Variants in EMC3 observed in about 807,000 individuals in gnomAD.
The protein encoded by EMC3 is ER membrane protein complex subunit 3.
Under a neutral mutation model 36.6 loss-of-function variants are expected in EMC3, and 13 were observed. The observed-to-expected ratio is 0.35, with a 90% CI of 0.23 to 0.56. EMC3 has a LOEUF of 0.56. EMC3 is among the 20% of genes least tolerant of loss of function. EMC3 has a pLI of 0.84. For synonymous variants in EMC3, 120 were observed against 111.9 expected, an observed-to-expected ratio of 1.07 and a Z score of -0.46; for missense variants, 220 against 324.5, an observed-to-expected ratio of 0.68 and a Z score of 2.47.
intron 5 of EMC3, among the ~76,000 whole-genome samples, chr3:9,971,447 C>T (rs2124903265): frequency 6.6e-6 from 1 of 152,212 alleles, no homozygotes; most frequent in Middle Eastern, 3.4e-3. Flanking sequence ...ACACTCATTC[C>T]AACAAGTGGG....
chr3:10,006,268 G>C (rs1003276071), intron 1 of EMC3: 1 of 152,240 alleles, frequency 6.6e-6, no homozygotes, highest in African/African-American at 2.4e-5. Context: ...TGGGGCTGCC[G>C]CAGGGTTGCC....
chr3:10,009,412 G>T (rs2086300326), intron 1 of EMC3, among the ~76,000 whole-genome samples: 1 of 152,236 alleles, frequency 6.6e-6, no homozygotes, highest in African/African-American at 2.4e-5. Context: ...GGGGTATGAG[G>T]CGGGAGGAAA....
intron 1 of EMC3, chr3:9,981,631 T>C (rs766515917): frequency 1.6e-5 from 5 of 317,626 alleles, no homozygotes; most frequent in South Asian, 1.2e-4. Context: ...GACAGGGTCT[T>C]ACCATGCTGC....
rs371407143 is a variant in EMC3 at position 10,002,805 on chromosome 3, G to GC, written c.-242+8217_-242+8218insG. 1.2e-3 allele frequency: 550 copies of GC among 456,046 alleles called. 3 individuals carry two copies. The highest frequency in any genetic ancestry group is 9.9e-3 in the African/African-American group (494 of 49,996). The allele number at this position is 456,046 out of a possible 1,614,324, so 28.2% of individuals were successfully genotyped here. ...AACAAGCCTTCCAGCATGACCCTGT[G>GC]TCTTCCCCCTCCACGCAGAGCACCA... On this transcript the variant is annotated intron_variant, in intron 1 of 8. Coordinates refer to the EMC3 transcript ENST00000470827.
rs1455125913 is a variant in EMC3, at chr3:9,970,725, T to C, written c.495-64A>G. ...TATCAGAGAGTAATGCAGTTCCCAC[T>C]TCCCTACCACCCAAAGTTGTTCAGT... On this transcript the variant is annotated intron_variant, in intron 5 of 7. Transcript: ENST00000245046. 3.3e-6 allele frequency: 5 copies of C among 1,526,002 alleles called. No homozygotes were observed. In the African/African-American group the frequency reaches 5.5e-5, roughly 17 times the overall value. 94.5% of individuals were successfully genotyped at this position (1,526,002 alleles called of 1,614,324 possible).
At chr3:10,005,891 C>T (rs909699501) in intron 1 of EMC3, among the ~76,000 whole-genome samples, 24 of 152,200 alleles carry the variant, frequency 1.6e-4, no homozygotes, top group Non-Finnish European at 7.3e-5. Context: ...TCCCGGGGTT[C>T]CCACCTCTCC....
chr3:9,987,132 T>G, upstream of EMC3: 6 of 827,988 alleles, frequency 7.2e-6, no homozygotes, highest in Non-Finnish European at 8.7e-6. Flanking sequence ...GAGAATGGCG[T>G]GAACCCAGGA....
chr3:9,970,546 G>T (rs762058276), intron 6 of EMC3, 36 bp downstream of exon 6: 54 of 1,599,224 alleles, frequency 3.4e-5, no homozygotes, highest in Non-Finnish European at 4.3e-5. Flanking sequence ...TTCATCTATG[G>T]AAGTATTTGC....
At chr3:10,000,891 G>A (rs143149426) in intron 1 of EMC3, 302 of 468,048 alleles carry the variant, frequency 6.5e-4, no homozygotes, top group Non-Finnish European at 1.0e-3. Context: ...CCTTTTCCAC[G>A]GTGTGGCACT....
chr3:9,974,735 T>C (rs1223168412), intron 3 of EMC3, among the ~76,000 whole-genome samples: 3 of 152,014 alleles, frequency 2.0e-5, no homozygotes, highest in Non-Finnish European at 2.9e-5. Context: ...ATTTTTTGTA[T>C]TTTTAGTAGA....
Position 9,971,966 on chromosome 3 carries a change from G to A in EMC3, c.495-1305C>T, listed in dbSNP as rs1185164611. ...TTACTAGGTTCCAGATATTGTAGCA[G>A]TATTTTCTAAGAGCTTTTCAGATTT... On this transcript the variant is annotated intron_variant, in intron 5 of 7. Transcript: ENST00000245046. 2.6e-5 allele frequency among the ~76,000 whole-genome samples: 4 copies of A among 152,168 alleles called. No homozygotes were observed. The East Asian group carries it at 7.7e-4, about 29-fold the overall frequency.
At chr3:9,998,342 G>A (rs990365953) in intron 1 of EMC3, among the ~76,000 whole-genome samples, 2 of 144,938 alleles carry the variant, frequency 1.4e-5, no homozygotes, top group African/African-American at 5.0e-5. Flanking sequence ...CTCCAGCCGG[G>A]GCAACAGAGC....
chr3:9,975,821 A>G (rs902637426), intron 3 of EMC3, among the ~76,000 whole-genome samples: 1 of 151,110 alleles, frequency 6.6e-6, no homozygotes, highest in African/African-American at 2.4e-5. Flanking sequence ...TGAAGAAAAA[A>G]AAAAAAAAAA....
intron 1 of EMC3, 144 bp from the exon 2 acceptor site, chr3:9,977,590 T>C (rs753383143): frequency 2.5e-4 from 152 of 615,144 alleles, no homozygotes; most frequent in Middle Eastern, 4.5e-4. Context: ...AATACAAGTA[T>C]CTTTAAAACC....
rs758330979 is a variant in EMC3, at chr3:9,970,649, T to C, written c.507A>G (p.Ala169=). ...CAAATACATTGAGGAAGTACCAGGATGCAGAACTCACCCTGGCAAAGCAAA... is the reference window on the plus strand; with the variant it reads ...CAAATACATTGAGGAAGTACCAGGACGCAGAACTCACCCTGGCAAAGCAAA... The part of the protein sequence containing the change: ...LTLDASWVSS[A]SWYFLNVFGL... The change falls in exon 6 of 8, where the codon GCA becomes GCG. Residue 169 remains alanine, a synonymous_variant. Transcript: ENST00000245046. 3.1e-6 allele frequency: 5 copies of C among 1,614,046 alleles called. No individual in the cohort carries two copies. The African/African-American group carries it at 5.3e-5, about 17-fold the overall frequency.
At chr3:9,964,799 A>T (rs909970088) in intron 7 of EMC3, among the ~76,000 whole-genome samples, 3 of 152,226 alleles carry the variant, frequency 2.0e-5, no homozygotes, top group African/African-American at 7.2e-5. Flanking sequence ...ATGTGAACTA[A>T]AAAACTGTTT....
intron 1 of EMC3, among the ~76,000 whole-genome samples, chr3:10,000,016 TTTG>T (rs1164387808): frequency 2.0e-5 from 3 of 152,134 alleles, no homozygotes; most frequent in East Asian, 1.9e-4. Flanking sequence ...CCATTAAGTT[TTTG>T]TTGTTGTTGT....
At chr3:9,993,392 C>A (rs72492989) in intron 1 of EMC3, among the ~76,000 whole-genome samples, 1 of 123,000 alleles carries the variant, frequency 8.1e-6, no homozygotes, top group African/African-American at 3.1e-5. Context: ...GCTGGCTGAA[C>A]GTTCAGTATA....
At chr3:9,987,257 G>T (rs1284839137), upstream of EMC3, 1 of 984,954 alleles carries the variant, frequency 1.0e-6, no homozygotes, top group Non-Finnish European at 1.2e-6. Context: ...GGCGGGGACG[G>T]CTTCTCGGTG....
Sources: gnomAD v4.1 joint callset for allele counts (sites outside exome capture counted in the v4.1 genomes callset) on GRCh38, gnomAD v4.1.1 for gene constraint, MANE v1.5 for transcripts, NCBI Gene and HGNC (gene_info 2026-07-23, HGNC 2026-07-21) for gene names.